SGCZ: variants seen among roughly 807,000 people sequenced by gnomAD.
The protein encoded by SGCZ is sarcoglycan zeta, also known as zeta-sarcoglycan.
Under a neutral mutation model 41.3 loss-of-function variants are expected in SGCZ, and 40 were observed. The observed-to-expected ratio is 0.97, with a 90% CI of 0.75 to 1.26. SGCZ has a LOEUF of 1.26. Ranked by LOEUF, SGCZ falls within the 50% of genes most tolerant of loss-of-function variation. The pLI, the probability that SGCZ is intolerant of heterozygous loss-of-function variation, is 0.00. For synonymous variants in SGCZ, 206 were observed against 137.5 expected (o/e 1.50, Z -3.49); for missense variants, 552 against 369.8 (o/e 1.49, Z -4.04).
chr8:14,660,711 G>A (rs1807720423), intron 1 of SGCZ, among the ~76,000 whole-genome samples: 2 of 152,022 alleles, frequency 1.3e-5, no homozygotes. Flanking sequence ...TAATATTATA[G>A]GCAGAACAAA....
Position 15,190,685 on chromosome 8 carries a change from G to A in SGCZ, c.39+46900C>T, listed in dbSNP as rs559502455. ...AATTCTTATTTAAAATTGTGTGGGGGGAGGTGTGCGTGTGTCGTGGGGGAT... is the reference window on the plus strand; with the variant it reads ...AATTCTTATTTAAAATTGTGTGGGGAGAGGTGTGCGTGTGTCGTGGGGGAT... On this transcript the variant is annotated intron_variant, in intron 1 of 7. Coordinates refer to ENST00000382080, the MANE Select transcript of SGCZ (RefSeq NM_139167.4). 2.1e-4 allele frequency among the ~76,000 whole-genome samples: 31 copies of A among 150,420 alleles called. 1 individual carries two copies. The highest frequency in any genetic ancestry group is 3.2e-4 in the Non-Finnish European group (22 of 67,818).
chr8:14,338,713 C>G (rs1802587518), intron 2 of SGCZ, among the ~76,000 whole-genome samples: 1 of 152,064 alleles, frequency 6.6e-6, no homozygotes, highest in East Asian at 1.9e-4. Context: ...TTTTTGAAAA[C>G]TTTCTTATGA....
chr8:14,811,682 T>C (rs921325979), intron 1 of SGCZ, among the ~76,000 whole-genome samples: 2 of 151,462 alleles, frequency 1.3e-5, no homozygotes, highest in Non-Finnish European at 3.0e-5. Context: ...CATTGTCTCC[T>C]CTCCCCAAAA....
At chr8:14,688,429 C>T (rs1488905536) in intron 1 of SGCZ, among the ~76,000 whole-genome samples, 1 of 152,124 alleles carries the variant, frequency 6.6e-6, no homozygotes, top group Non-Finnish European at 1.5e-5. Context: ...CCAGTTTTCC[C>T]AGCACCATTT....
At chr8:14,581,343 G>C (rs1344325362) in intron 1 of SGCZ, among the ~76,000 whole-genome samples, 1 of 152,092 alleles carries the variant, frequency 6.6e-6, no homozygotes, top group Non-Finnish European at 1.5e-5. Flanking sequence ...CTGGCCTCAA[G>C]CGAACAGCCC....
chr8:14,551,499 T>TA (rs1803828035), intron 2 of SGCZ, among the ~76,000 whole-genome samples: 1 of 4,536 alleles, frequency 2.2e-4, no homozygotes, highest in South Asian at 9.6e-3. Flanking sequence ...TTATATATAT[T>TA]ATATATATTA....
intron 3 of SGCZ, among the ~76,000 whole-genome samples, chr8:14,321,641 A>G (rs888503587): frequency 6.6e-6 from 1 of 152,136 alleles, no homozygotes. Context: ...AACATACACA[A>G]CCACACACAG....
At chr8:14,101,490 G>C (rs1454255582) in intron 7 of SGCZ, among the ~76,000 whole-genome samples, 1 of 152,176 alleles carries the variant, frequency 6.6e-6, no homozygotes. Context: ...TCACTTTATA[G>C]TGGAAAAATA....
chr8:14,582,484 A>C (rs918026399), intron 1 of SGCZ, among the ~76,000 whole-genome samples: 1 of 152,024 alleles, frequency 6.6e-6, no homozygotes, highest in Admixed American at 6.6e-5. Flanking sequence ...TAAACTTCTG[A>C]AAGTTCCCAC....
At chr8:14,511,874 C>G (rs1253303705) in intron 2 of SGCZ, among the ~76,000 whole-genome samples, 3 of 152,058 alleles carry the variant, frequency 2.0e-5, no homozygotes, top group Non-Finnish European at 4.4e-5. Context: ...TTGATTACAT[C>G]TGGGTACCAC....
At chr8:14,262,024 A>C (rs1207784130) in intron 3 of SGCZ, among the ~76,000 whole-genome samples, 2 of 152,174 alleles carry the variant, frequency 1.3e-5, no homozygotes, top group African/African-American at 4.8e-5. Context: ...AGCACGACAA[A>C]ATAGGCACTA....
intron 5 of SGCZ, among the ~76,000 whole-genome samples, chr8:14,149,655 G>GAA (rs746979629): frequency 1.1e-3 from 26 of 22,650 alleles, no homozygotes; most frequent in East Asian, 6.3e-3. Context: ...TTTCTTCATA[G>GAA]GAAAAAAAAA....
intron 2 of SGCZ, among the ~76,000 whole-genome samples, chr8:14,394,989 G>C (rs1007307744): frequency 6.6e-6 from 1 of 151,996 alleles, no homozygotes; most frequent in African/African-American, 2.4e-5. Context: ...TTAATCACTT[G>C]GGAACTTTGT....
intron 1 of SGCZ, among the ~76,000 whole-genome samples, chr8:14,955,051 G>A (rs568129799): frequency 6.6e-6 from 1 of 152,142 alleles, no homozygotes; most frequent in Admixed American, 6.5e-5. Context: ...CAGAACCTGA[G>A]AAGTCTTCTC....
At chr8:14,729,289 T>C (rs1428362118) in intron 1 of SGCZ, among the ~76,000 whole-genome samples, 2 of 152,318 alleles carry the variant, frequency 1.3e-5, no homozygotes, top group East Asian at 3.9e-4. Context: ...TCCACACCTA[T>C]GGACCACATG....
intron 4 of SGCZ, among the ~76,000 whole-genome samples, chr8:14,180,302 G>A (rs2117020997): frequency 6.6e-6 from 1 of 152,238 alleles, no homozygotes; most frequent in African/African-American, 2.4e-5. Flanking sequence ...TATAACAAAG[G>A]AGTGTCCTGA....
intron 2 of SGCZ, among the ~76,000 whole-genome samples, chr8:14,344,941 T>C (rs984010853): frequency 1.3e-5 from 2 of 152,054 alleles, no homozygotes; most frequent in South Asian, 2.1e-4. Context: ...ATACAACTAA[T>C]TTAGGGCAAA....
chr8:14,296,921 T>C (rs954448827), intron 3 of SGCZ, among the ~76,000 whole-genome samples: 2 of 152,132 alleles, frequency 1.3e-5, no homozygotes, highest in Non-Finnish European at 2.9e-5. Context: ...TTTAACTGAA[T>C]AATTTTTCTT....
intron 5 of SGCZ, among the ~76,000 whole-genome samples, chr8:14,126,499 A>G (rs116040222): frequency 1.1e-3 from 162 of 145,416 alleles, no homozygotes; most frequent in African/African-American, 4.0e-3. Flanking sequence ...AAGATGCTAG[A>G]GCAGCTGTGG....
Sources: allele counts gnomAD v4.1 joint callset (sites outside exome capture counted in the v4.1 genomes callset), GRCh38; gene constraint gnomAD v4.1.1; transcripts MANE v1.5; gene names NCBI Gene and HGNC (gene_info 2026-07-23, HGNC 2026-07-21).